ANO2: variants seen among roughly 807,000 people sequenced by gnomAD.
ANO2 encodes the protein anoctamin 2.
In ANO2, 101 loss-of-function variants were observed where a neutral mutation model predicts 124.2. The ratio of observed to expected loss-of-function variants is 0.81; its 90% CI spans 0.69 to 0.96. The LOEUF is 0.96. ANO2 is among the 40% of genes least tolerant of loss of function. The pLI is 0.00. For missense variants in ANO2, 1,293 were observed against 1,274.5 expected (o/e 1.01, Z -0.22); for synonymous variants, 486 against 482.5 (o/e 1.01, Z -0.09).
chr12:5,918,042 T>A (rs1371178863), intron 3 of ANO2, among the ~76,000 whole-genome samples: 1 of 152,180 alleles, frequency 6.6e-6, no homozygotes, highest in East Asian at 1.9e-4. Flanking sequence ...AGTGAAGCCC[T>A]GGCCTCTGCT....
chr12:5,739,720 G>C (rs1335937026), intron 12 of ANO2, among the ~76,000 whole-genome samples: 1 of 152,024 alleles, frequency 6.6e-6, no homozygotes, highest in African/African-American at 2.4e-5. Flanking sequence ...AAAATAAAAA[G>C]GGAGGGGTCT....
chr12:5,918,438 CTTTT>C (rs59787191), intron 3 of ANO2, among the ~76,000 whole-genome samples: 5 of 118,926 alleles, frequency 4.2e-5, no homozygotes, highest in Non-Finnish European at 1.8e-5. Flanking sequence ...TAACTTGAAT[CTTTT>C]TTTTTTTTTT....
At chr12:5,839,464 C>T (rs1375772611) in intron 4 of ANO2, 1 of 412,822 alleles carries the variant, frequency 2.4e-6, no homozygotes, top group Admixed American at 2.6e-5. Context: ...AGCGCTACTC[C>T]AGACTCACCT....
chr12:5,611,513 A>T (rs1490650511), intron 19 of ANO2, among the ~76,000 whole-genome samples: 1 of 152,108 alleles, frequency 6.6e-6, no homozygotes, highest in East Asian at 1.9e-4. Flanking sequence ...TACAGTGTAA[A>T]CAGTGTTATT....
At chr12:5,790,656 C>G (rs1043597110) in intron 10 of ANO2, among the ~76,000 whole-genome samples, 1 of 152,180 alleles carries the variant, frequency 6.6e-6, no homozygotes, top group African/African-American at 2.4e-5. Context: ...CCCAGCACTG[C>G]CACACAAAGC....
At chr12:5,592,867 G>A (rs889587210) in intron 20 of ANO2, among the ~76,000 whole-genome samples, 10 of 152,304 alleles carry the variant, frequency 6.6e-5, no homozygotes, top group Admixed American at 6.5e-5. Flanking sequence ...GTCCACAGGC[G>A]TTCCTCCTGA....
intron 14 of ANO2, among the ~76,000 whole-genome samples, chr12:5,653,300 T>C (rs567091060): frequency 7.3e-4 from 111 of 152,338 alleles, no homozygotes; most frequent in Middle Eastern, 3.4e-3. Context: ...CTGGCTTCTA[T>C]CAAAATGTTC....
intron 10 of ANO2, among the ~76,000 whole-genome samples, chr12:5,752,880 G>GGTT (rs1018560456): frequency 6.6e-6 from 1 of 151,970 alleles, no homozygotes; most frequent in African/African-American, 2.4e-5. Flanking sequence ...TTTTAAGTTG[G>GGTT]GTTTTTGTAT....
At chr12:5,631,287 T>C (rs2136931960) in intron 16 of ANO2, among the ~76,000 whole-genome samples, 1 of 152,326 alleles carries the variant, frequency 6.6e-6, no homozygotes, top group East Asian at 1.9e-4. Flanking sequence ...TGTTCCATCT[T>C]CCTAAAAGTT....
intron 15 of ANO2, among the ~76,000 whole-genome samples, chr12:5,637,428 T>G (rs1159267425): frequency 1.3e-5 from 2 of 151,752 alleles, no homozygotes; most frequent in Non-Finnish European, 2.9e-5. Flanking sequence ...GGCAAAAACA[T>G]CCTTTGTTTA....
At chr12:5,711,298 T>C (rs980006064) in intron 14 of ANO2, among the ~76,000 whole-genome samples, 5 of 152,108 alleles carry the variant, frequency 3.3e-5, no homozygotes, top group African/African-American at 1.2e-4. Context: ...TTAGTTCATG[T>C]GAGAGCTGGT....
At chr12:5,934,783 G>A (rs574368536) in intron 1 of ANO2, among the ~76,000 whole-genome samples, 42 of 152,202 alleles carry the variant, frequency 2.8e-4, no homozygotes, top group African/African-American at 8.7e-4. Flanking sequence ...GGCTCCCTCC[G>A]TGTCCCTCAT....
chr12:5,582,958 C>G (rs904108234), intron 20 of ANO2, among the ~76,000 whole-genome samples: 3 of 152,194 alleles, frequency 2.0e-5, no homozygotes, highest in Admixed American at 6.5e-5. Context: ...CATCCTCACT[C>G]CCATAATGCC....
At chr12:5,576,416 A>G (rs1942414809) in intron 22 of ANO2, among the ~76,000 whole-genome samples, 1 of 152,246 alleles carries the variant, frequency 6.6e-6, no homozygotes, top group African/African-American at 2.4e-5. Flanking sequence ...AAGGAAATGG[A>G]ATGCCCATGT....
chr12:5,680,417 A>G (rs1322129150), intron 14 of ANO2, among the ~76,000 whole-genome samples: 1 of 152,192 alleles, frequency 6.6e-6, no homozygotes, highest in Non-Finnish European at 1.5e-5. Flanking sequence ...GAGGGTCTGG[A>G]AACATTGTTA....
intron 8 of ANO2, among the ~76,000 whole-genome samples, chr12:5,806,473 C>A (rs915377238): frequency 6.6e-6 from 1 of 152,214 alleles, no homozygotes; most frequent in African/African-American, 2.4e-5. Flanking sequence ...TATGCCACTG[C>A]AAATATGTCA....
At chr12:5,674,504 C>T (rs6489647) in intron 14 of ANO2, among the ~76,000 whole-genome samples, 68,824 of 152,010 alleles carry the variant, frequency 0.45, 17,079 homozygotes, top group Middle Eastern at 0.62. Flanking sequence ...GCAAGCAGCA[C>T]GGTCTCACAT....
At chr12:5,589,797 A>C (rs1251193182) in intron 20 of ANO2, among the ~76,000 whole-genome samples, 1 of 152,128 alleles carries the variant, frequency 6.6e-6, no homozygotes, top group East Asian at 1.9e-4. Context: ...AGCACTCAGG[A>C]CAGGCAGGGC....
At chr12:5,845,584 AAAT>A (rs1260613990) in intron 4 of ANO2, among the ~76,000 whole-genome samples, 1 of 152,080 alleles carries the variant, frequency 6.6e-6, no homozygotes, top group African/African-American at 2.4e-5. Context: ...AAAAAAAAAA[AAAT>A]CCAAAAGAAG....
Sources: gnomAD v4.1 joint callset for allele counts (sites outside exome capture counted in the v4.1 genomes callset) on GRCh38, gnomAD v4.1.1 for gene constraint, MANE v1.5 for transcripts, NCBI Gene and HGNC (gene_info 2026-07-23, HGNC 2026-07-21) for gene names.